GLI2: variants seen among roughly 807,000 people sequenced by gnomAD.
GLI2 encodes GLI family zinc finger 2.
A neutral mutation model predicts 78.9 loss-of-function variants in GLI2; 22 were observed. That is an observed-to-expected ratio of 0.28 (90% confidence interval 0.20 to 0.40). The LOEUF (loss-of-function observed/expected upper bound fraction) is 0.40. Ranked by LOEUF, GLI2 falls within the 10% of genes least tolerant of loss-of-function variation. The pLI is 1.00. For missense variants in GLI2, 2,097 were observed against 2,213.2 expected, an observed-to-expected ratio of 0.95 and a Z score of 1.05; for synonymous variants, 974 against 963.7, an observed-to-expected ratio of 1.01 and a Z score of -0.20.
chr2:120,847,304 C>G (rs1443362449), intron 2 of GLI2, among the ~76,000 whole-genome samples: 1 of 151,938 alleles, frequency 6.6e-6, no homozygotes, highest in Non-Finnish European at 1.5e-5. Flanking sequence ...TGAATATAAT[C>G]CAGCCCAGAA....
chr2:120,983,330 A>G (rs897395864), intron 11 of GLI2, among the ~76,000 whole-genome samples: 2 of 152,092 alleles, frequency 1.3e-5, no homozygotes, highest in African/African-American at 4.8e-5. Flanking sequence ...AGACTCAGAG[A>G]TGAAGTGACT....
At chr2:120,963,370 G>C (rs959684299) in intron 5 of GLI2, among the ~76,000 whole-genome samples, 1 of 152,228 alleles carries the variant, frequency 6.6e-6, no homozygotes, top group African/African-American at 2.4e-5. Flanking sequence ...AAGTAAATGT[G>C]CTCCAAGGAA....
intron 2 of GLI2, among the ~76,000 whole-genome samples, chr2:120,872,898 T>G (rs553777826): frequency 1.3e-5 from 2 of 152,290 alleles, no homozygotes; most frequent in African/African-American, 4.8e-5. Context: ...CTCGAAACAT[T>G]AATTAGTCAC....
At chr2:120,964,681 G>T (rs1288342909) in intron 5 of GLI2, among the ~76,000 whole-genome samples, 2 of 152,262 alleles carry the variant, frequency 1.3e-5, no homozygotes, top group Admixed American at 1.3e-4. Flanking sequence ...GGAGTGTGGG[G>T]CTGGCTGTGC....
chr2:120,972,619 G>A (rs1408204003), intron 8 of GLI2: 1 of 518,668 alleles, frequency 1.9e-6, no homozygotes, highest in Admixed American at 1.9e-5. Context: ...CTTTGGAGAG[G>A]TGGCGCTATG....
At chr2:120,742,177 T>C (rs1352814445) in intron 1 of GLI2, among the ~76,000 whole-genome samples, 2 of 152,190 alleles carry the variant, frequency 1.3e-5, no homozygotes, top group Non-Finnish European at 2.9e-5. Flanking sequence ...CAGTAATCAC[T>C]AAGGCCGCCT....
At chr2:120,968,278 TG>T (rs1414966217) in intron 5 of GLI2, among the ~76,000 whole-genome samples, 2 of 152,182 alleles carry the variant, frequency 1.3e-5, no homozygotes, top group African/African-American at 4.8e-5. Flanking sequence ...GGAGGGGGCC[TG>T]TGGACAATGG....
chr2:120,972,983 T>A (rs111482490), intron 8 of GLI2, among the ~76,000 whole-genome samples: 1,833 of 152,256 alleles, frequency 0.012, 31 homozygotes, highest in African/African-American at 0.042. Context: ...AGCCCTCTCA[T>A]GGTGGCCCAG....
intron 2 of GLI2, among the ~76,000 whole-genome samples, chr2:120,887,651 C>G (rs777565072): frequency 6.6e-6 from 1 of 152,208 alleles, no homozygotes; most frequent in African/African-American, 2.4e-5. Flanking sequence ...TTGGAAGCGC[C>G]CTTCTCCCAC....
intron 1 of GLI2, among the ~76,000 whole-genome samples, chr2:120,780,213 G>A (rs115904012): frequency 0.015 from 2,351 of 152,244 alleles, 48 homozygotes; most frequent in African/African-American, 0.046. Flanking sequence ...CACTCATAAC[G>A]CCCCCTTCAG....
intron 2 of GLI2, among the ~76,000 whole-genome samples, chr2:120,911,772 C>T (rs189878910): frequency 4.6e-5 from 7 of 150,972 alleles, no homozygotes; most frequent in East Asian, 3.9e-4. Flanking sequence ...GAGGCAGGCT[C>T]GTGTGGACTG....
At chr2:120,951,471 G>A (rs1680990329) in intron 4 of GLI2, 26 bp downstream of exon 4, 2 of 1,460,860 alleles carry the variant, frequency 1.4e-6, no homozygotes, top group Non-Finnish European at 1.9e-6. Flanking sequence ...GGATGGGGAG[G>A]GGCAGCTAGG....
chr2:120,844,277 G>C (rs1411969203), intron 2 of GLI2, among the ~76,000 whole-genome samples: 1 of 152,218 alleles, frequency 6.6e-6, no homozygotes, highest in Non-Finnish European at 1.5e-5. Context: ...TGATCGAGCA[G>C]GGCTGTGTCC....
At chr2:120,885,060 C>T (rs933840883) in intron 2 of GLI2, among the ~76,000 whole-genome samples, 2 of 152,184 alleles carry the variant, frequency 1.3e-5, no homozygotes, top group African/African-American at 4.8e-5. Flanking sequence ...ATCCTCCCAC[C>T]CCAACCTCAC....
chr2:120,923,490 G>A (rs1023955140), intron 2 of GLI2, among the ~76,000 whole-genome samples: 6 of 151,186 alleles, frequency 4.0e-5, no homozygotes, highest in South Asian at 2.1e-4. Flanking sequence ...ACATATGCAC[G>A]TATACGCAGT....
intron 1 of GLI2, among the ~76,000 whole-genome samples, chr2:120,762,919 G>T (rs1035300653): frequency 6.6e-6 from 1 of 152,250 alleles, no homozygotes; most frequent in African/African-American, 2.4e-5. Flanking sequence ...GATCCGAGGA[G>T]GAAAGGCTTC....
chr2:120,796,472 G>A (rs1684399164), intron 1 of GLI2, among the ~76,000 whole-genome samples: 1 of 152,086 alleles, frequency 6.6e-6, no homozygotes, highest in Non-Finnish European at 1.5e-5. Flanking sequence ...TTCCCTTCTG[G>A]CCACTACTCA....
chr2:120,846,194 C>G (rs1687107621), intron 2 of GLI2, among the ~76,000 whole-genome samples: 1 of 152,214 alleles, frequency 6.6e-6, no homozygotes, highest in African/African-American at 2.4e-5. Context: ...TTCAAAGCCA[C>G]CCAATTGGGG....
At chr2:120,757,786 C>G (rs74318393) in intron 1 of GLI2, among the ~76,000 whole-genome samples, 1 of 152,202 alleles carries the variant, frequency 6.6e-6, no homozygotes, top group African/African-American at 2.4e-5. Context: ...CTCCCTGTGC[C>G]GTGGCCTGGA....
Sources: gnomAD v4.1 joint callset for allele counts (sites outside exome capture counted in the v4.1 genomes callset) on GRCh38, gnomAD v4.1.1 for gene constraint, MANE v1.5 for transcripts, NCBI Gene and HGNC (gene_info 2026-07-23, HGNC 2026-07-21) for gene names.